Variants in LINGO2 observed in about 807,000 individuals in gnomAD.
LINGO2 encodes the protein leucine rich repeat and Ig domain containing 2, also known as leucine-rich repeat and immunoglobulin-like domain-containing nogo receptor-interacting protein 2.
A neutral mutation model predicts 30.6 loss-of-function variants in LINGO2; 14 were observed. The observed-to-expected ratio is 0.46, with a 90% CI of 0.30 to 0.72. The LOEUF is 0.72. Among genes scored for constraint, LINGO2 ranks in the 30% least tolerant of loss-of-function variants. The pLI is 0.07. For synonymous variants in LINGO2, 317 were observed against 288.5 expected, an observed-to-expected ratio of 1.10 and a Z score of -1.00; for missense variants, 729 against 751.7, an observed-to-expected ratio of 0.97 and a Z score of 0.35.
chr9:29,045,433 G>A, the LINGO2 span, among the ~76,000 whole-genome samples: 1 of 151,888 alleles, frequency 6.6e-6, no homozygotes, highest in African/African-American at 2.4e-5. Flanking sequence ...ATATATTGAT[G>A]AGCAAAAAAA....
chr9:28,641,951 T>C (rs1827609595), intron 1 of LINGO2, among the ~76,000 whole-genome samples: 1 of 152,070 alleles, frequency 6.6e-6, no homozygotes, highest in East Asian at 1.9e-4. Context: ...TTCTGGAAGG[T>C]TTAGTCCTTA....
At chr9:28,863,171 A>T in the LINGO2 span, among the ~76,000 whole-genome samples, 1 of 152,080 alleles carries the variant, frequency 6.6e-6, no homozygotes, top group Non-Finnish European at 1.5e-5. Flanking sequence ...CTTTTTACAA[A>T]AGTACTGCAT....
the LINGO2 span, among the ~76,000 whole-genome samples, chr9:28,932,859 C>A: frequency 6.6e-6 from 1 of 152,024 alleles, no homozygotes; most frequent in South Asian, 2.1e-4. Context: ...TATATAATTA[C>A]AATATTCTAC....
At chr9:28,920,414 G>A in the LINGO2 span, among the ~76,000 whole-genome samples, 6 of 151,866 alleles carry the variant, frequency 4.0e-5, no homozygotes, top group Non-Finnish European at 8.8e-5. Context: ...TGTATCCTTT[G>A]TTCACAAAAA....
At chr9:28,256,349 C>T (rs1405945471) in intron 4 of LINGO2, among the ~76,000 whole-genome samples, 1 of 151,816 alleles carries the variant, frequency 6.6e-6, no homozygotes, top group Non-Finnish European at 1.5e-5. Flanking sequence ...ACACTGCCAA[C>T]TATTGATTAA....
the LINGO2 span, among the ~76,000 whole-genome samples, chr9:29,043,053 C>G: frequency 6.6e-6 from 1 of 151,566 alleles, no homozygotes; most frequent in Non-Finnish European, 1.5e-5. Context: ...TTTTAGAGCA[C>G]TATGTAAATC....
chr9:28,046,034 T>G (rs1218423000), intron 4 of LINGO2, among the ~76,000 whole-genome samples: 1 of 152,144 alleles, frequency 6.6e-6, no homozygotes, highest in Non-Finnish European at 1.5e-5. Flanking sequence ...CCTCCACTAG[T>G]GGACATAGCT....
At chr9:27,960,104 A>G (rs1042262976) in intron 5 of LINGO2, among the ~76,000 whole-genome samples, 6 of 152,080 alleles carry the variant, frequency 3.9e-5, no homozygotes, top group Non-Finnish European at 4.4e-5. Flanking sequence ...TAATTTTCAG[A>G]AAATAAGATA....
At chr9:28,682,337 T>C in the LINGO2 span, among the ~76,000 whole-genome samples, 1 of 152,172 alleles carries the variant, frequency 6.6e-6, no homozygotes, top group African/African-American at 2.4e-5. Context: ...CACTGGACTG[T>C]GCCTGACTTG....
chr9:29,022,977 CAA>C, the LINGO2 span, among the ~76,000 whole-genome samples: 42 of 133,132 alleles, frequency 3.2e-4, no homozygotes, highest in Admixed American at 3.0e-4. Context: ...CTCTTTGAGC[CAA>C]AAAAAAAAAA....
intron 1 of LINGO2, among the ~76,000 whole-genome samples, chr9:28,482,811 G>T (rs942730128): frequency 3.3e-5 from 5 of 152,030 alleles, no homozygotes; most frequent in African/African-American, 1.2e-4. Context: ...GCTGAAACTG[G>T]ATCCCTTCCT....
the LINGO2 span, among the ~76,000 whole-genome samples, chr9:28,994,939 C>G: frequency 1.3e-5 from 2 of 152,092 alleles, no homozygotes; most frequent in African/African-American, 2.4e-5. Flanking sequence ...TAGACAGTAC[C>G]ATTCAGGACA....
chr9:28,003,400 GTT>G (rs1310317381), intron 5 of LINGO2, among the ~76,000 whole-genome samples: 18 of 151,420 alleles, frequency 1.2e-4, no homozygotes, highest in African/African-American at 3.9e-4. Context: ...GAGAGAGAGA[GTT>G]AGAGAGTTCA....
At position 28,329,873 on chromosome 9, in the gene LINGO2, C is replaced by T. The variant is rs1825359515; in HGVS notation, c.-245-34507G>A. Among the ~76,000 whole-genome samples the T allele has an allele frequency of 1.3e-5, 2 of 152,096 alleles. No homozygotes were observed. Among genetic ancestry groups the T allele is most frequent in the African/African-American group, 2.4e-5 (1 of 41,406 alleles). The stretch of plus-strand genomic sequence containing the variant: ...CTCACCTGTGTATAGCTCTATGAAA[C>T]TTTATTTGTCTATTTGTGTATTTAG... On this transcript the variant is annotated intron_variant, in intron 3 of 5. Coordinates refer to ENST00000379992, the Ensembl canonical transcript of LINGO2. This position sits in a 1 kb window ranked among gnomAD's most constrained non-coding sequence, Gnocchi z 4.5.
At chr9:28,409,841 G>A (rs1395009790) in intron 2 of LINGO2, among the ~76,000 whole-genome samples, 1 of 146,058 alleles carries the variant, frequency 6.8e-6, no homozygotes, top group Non-Finnish European at 1.5e-5. Context: ...ATCAAACTGA[G>A]GCTAAAGGAC....
At chr9:28,259,282 C>T (rs1822485985) in intron 4 of LINGO2, among the ~76,000 whole-genome samples, 1 of 151,970 alleles carries the variant, frequency 6.6e-6, no homozygotes, top group Non-Finnish European at 1.5e-5. Context: ...AAGAATTAAC[C>T]TGCTTAAATG....
At chr9:28,974,842 C>T in the LINGO2 span, among the ~76,000 whole-genome samples, 12 of 151,902 alleles carry the variant, frequency 7.9e-5, no homozygotes, top group Non-Finnish European at 1.8e-4. Context: ...ATGAGAAAAT[C>T]CTGACTCAAA....
At chr9:28,436,062 G>A (rs1413236218) in intron 2 of LINGO2, among the ~76,000 whole-genome samples, 1 of 152,098 alleles carries the variant, frequency 6.6e-6, no homozygotes, top group African/African-American at 2.4e-5. Flanking sequence ...TTTATTAATA[G>A]TCTTTCTTTC....
the LINGO2 span, among the ~76,000 whole-genome samples, chr9:28,832,039 G>GTA: frequency 6.6e-6 from 1 of 152,106 alleles, no homozygotes; most frequent in Non-Finnish European, 1.5e-5. Flanking sequence ...CTTATTCCAT[G>GTA]TATATGCATT....
Sources: gnomAD v4.1 joint callset for allele counts (sites outside exome capture counted in the v4.1 genomes callset) on GRCh38, gnomAD v4.1.1 for gene constraint, Gnocchi (gnomAD v3.1) non-coding constraint, MANE v1.5 for transcripts, NCBI Gene and HGNC (gene_info 2026-07-23, HGNC 2026-07-21) for gene names.